Variants in BARD1 observed in about 807,000 individuals in gnomAD.
The protein encoded by BARD1 is BRCA1-associated RING domain protein 1.
A neutral mutation model predicts 77.0 loss-of-function variants in BARD1; 73 were observed. That is an observed-to-expected ratio of 0.95 (90% CI 0.79 to 1.15). The LOEUF (loss-of-function observed/expected upper bound fraction) is 1.15. Ranked by LOEUF, BARD1 falls within the 50% of genes most tolerant of loss-of-function variation. BARD1 has a pLI of 0.00. For synonymous variants in BARD1, 384 were observed against 338.0 expected (o/e 1.14, Z -1.49); for missense variants, 993 against 938.8 (o/e 1.06, Z -0.75).
intron 2 of BARD1, among the ~76,000 whole-genome samples, chr2:214,792,726 G>T (rs1221486005): frequency 2.0e-5 from 3 of 152,156 alleles, no homozygotes; most frequent in Non-Finnish European, 4.4e-5. Context: ...TTACAGAGAT[G>T]TAACAGAAAG....
At chr2:214,789,057 G>T (rs1390582596) in intron 3 of BARD1, among the ~76,000 whole-genome samples, 3 of 152,102 alleles carry the variant, frequency 2.0e-5, no homozygotes, top group Non-Finnish European at 4.4e-5. Flanking sequence ...GGAATTTAGA[G>T]ATCTGGACAG....
intron 1 of BARD1, among the ~76,000 whole-genome samples, chr2:214,799,073 A>G (rs1417161916): frequency 6.6e-6 from 1 of 152,094 alleles, no homozygotes; most frequent in Non-Finnish European, 1.5e-5. Flanking sequence ...GCCAAGATTG[A>G]GCCACTGCAC....
intron 3 of BARD1, among the ~76,000 whole-genome samples, chr2:214,792,021 CA>C (rs1695536037): frequency 6.6e-6 from 1 of 151,774 alleles, no homozygotes; most frequent in African/African-American, 2.4e-5. Flanking sequence ...CGTCATTTCT[CA>C]AAATGATCTT....
At chr2:214,754,916 T>C (rs1030450934) in intron 6 of BARD1, among the ~76,000 whole-genome samples, 2 of 152,094 alleles carry the variant, frequency 1.3e-5, no homozygotes, top group African/African-American at 4.8e-5. Flanking sequence ...TCATGAACCA[T>C]TAAAATTTGG....
At chr2:214,753,682 C>G (rs139471179) in intron 6 of BARD1, among the ~76,000 whole-genome samples, 4 of 152,194 alleles carry the variant, frequency 2.6e-5, no homozygotes, top group African/African-American at 9.6e-5. Flanking sequence ...GGGATATAAG[C>G]ATCTACTGAG....
intron 1 of BARD1, among the ~76,000 whole-genome samples, chr2:214,797,913 C>T (rs1003151441): frequency 6.6e-6 from 1 of 152,156 alleles, no homozygotes; most frequent in Non-Finnish European, 1.5e-5. Flanking sequence ...ATACCTGCTA[C>T]ATTTGTTAAT....
rs1060501313 is a variant in BARD1 at position 214,752,450 on chromosome 2, T to C, written c.1674A>G (p.Ser558=). The C allele has an allele frequency of 1.2e-6, 2 of 1,605,810 alleles. No individual in the cohort carries two copies. The highest frequency in any genetic ancestry group is 2.7e-5 in the African/African-American group (2 of 74,860). The change falls in exon 7 of 11, where the codon TCA becomes TCG. Residue 558 remains serine (S), a synonymous_variant. Transcript: ENST00000260947. The part of the protein sequence containing the change: ...KNESSSASHC[S]VMNTGQRRDG... ...CCAAAGCTAAATCCATACTTACTAC[T>C]GAGCAGTGGCTAGCTGAGGATGATT...
At chr2:214,795,703 G>A (rs1695726298) in intron 2 of BARD1, among the ~76,000 whole-genome samples, 1 of 152,168 alleles carries the variant, frequency 6.6e-6, no homozygotes, top group Non-Finnish European at 1.5e-5. Flanking sequence ...GACACATTTT[G>A]AGGCAGAACT....
rs181429149 is a variant in BARD1 at position 214,803,378 on chromosome 2, T to A, written c.158+6034A>T. 6.2e-4 allele frequency among the ~76,000 whole-genome samples: 94 copies of A among 152,314 alleles called. No individual in the cohort carries two copies. The East Asian group carries it at 0.016, about 26-fold the overall frequency. On this transcript the variant is annotated intron_variant, in intron 1 of 10. Coordinates refer to ENST00000260947, the MANE Select transcript of BARD1 (RefSeq NM_000465.4). ...GCAGTTGAGACAAGAGGAAGGCATCTGTCTCCTGCCCGTCCCTGGGCAATG... is the reference window on the plus strand; with the variant it reads ...GCAGTTGAGACAAGAGGAAGGCATCAGTCTCCTGCCCGTCCCTGGGCAATG...
rs202211672 is a variant in BARD1, at chr2:214,792,783, C to G, written c.216-338G>C. On this transcript the variant is annotated intron_variant, in intron 2 of 10. Coordinates refer to ENST00000260947, the MANE Select transcript of BARD1 (RefSeq NM_000465.4). ...AGTCGTGCATCCTAACTTTTTCTATCTTAACATTGCATGAAAATACCCAAA... is the reference window on the plus strand; with the variant it reads ...AGTCGTGCATCCTAACTTTTTCTATGTTAACATTGCATGAAAATACCCAAA... Among the ~76,000 whole-genome samples, 21 of 152,230 alleles carry G rather than the reference C, an allele frequency of 1.4e-4. No individual in the cohort carries two copies. In the East Asian group the frequency reaches 4.1e-3, roughly 29 times the overall value.
At chr2:214,768,119 C>T (rs1274648194) in intron 5 of BARD1, among the ~76,000 whole-genome samples, 3 of 152,166 alleles carry the variant, frequency 2.0e-5, no homozygotes, top group African/African-American at 7.2e-5. Flanking sequence ...TGCTGTATGG[C>T]TGCTGTTATT....
In BARD1 at chr2:214,781,498, C is replaced by A. The variant is rs1695034849; in HGVS notation, c.376G>T (p.Asp126Tyr). 1 of 1,610,288 alleles carries A rather than the reference C, an allele frequency of 6.2e-7. No homozygotes were observed. Among genetic ancestry groups the A allele is most frequent in the Middle Eastern group, 1.7e-4 (1 of 6,032 alleles). ...HDNELSDLKEDKPRKSLFNDA... is the reference protein window; with the variant it reads ...HDNELSDLKEYKPRKSLFNDA... ...TTAAACAAACTTTTCCTAGGTTTAT[C>A]TTCTTTCAAATCTGACAGAAAAAAA... Residue 126 changes from aspartate to tyrosine, a missense_variant, in exon 4 of 11, where the codon GAT becomes TAT. Asp to Tyr is a radical substitution (Grantham distance 160). Coordinates refer to ENST00000260947, the MANE Select transcript of BARD1 (RefSeq NM_000465.4).
chr2:214,755,455 A>G (rs1021204416), intron 6 of BARD1, among the ~76,000 whole-genome samples: 3 of 152,162 alleles, frequency 2.0e-5, no homozygotes, highest in African/African-American at 7.2e-5. Flanking sequence ...GACACATAAG[A>G]CTTAGAAAAA....
At chr2:214,733,281 T>G (rs1692436138) in intron 9 of BARD1, among the ~76,000 whole-genome samples, 1 of 152,194 alleles carries the variant, frequency 6.6e-6, no homozygotes. Flanking sequence ...TTTTGGAATA[T>G]TTGCACGTAC....
chr2:214,800,053 C>G (rs930678776), intron 1 of BARD1, among the ~76,000 whole-genome samples: 15 of 152,318 alleles, frequency 9.8e-5, no homozygotes, highest in African/African-American at 2.9e-4. Context: ...GGATGCAGTC[C>G]GTAGCCTTCC....
At chr2:214,774,520 T>C (rs1473555123) in intron 4 of BARD1, among the ~76,000 whole-genome samples, 4 of 152,208 alleles carry the variant, frequency 2.6e-5, no homozygotes, top group Non-Finnish European at 4.4e-5. Flanking sequence ...TTGAATATCT[T>C]TCCTGAACAG....
intron 6 of BARD1, among the ~76,000 whole-genome samples, chr2:214,764,722 C>G (rs1175387814): frequency 6.6e-6 from 1 of 152,136 alleles, no homozygotes; most frequent in African/African-American, 2.4e-5. Context: ...GACTCGTGTT[C>G]TTCTGCAGGT....
intron 7 of BARD1, among the ~76,000 whole-genome samples, chr2:214,746,995 A>C (rs1448969441): frequency 6.6e-6 from 1 of 152,152 alleles, no homozygotes; most frequent in African/African-American, 2.4e-5. Context: ...CAATGAACTC[A>C]AACAAATTTA....
At chr2:214,805,563 T>C (rs1421814728) in intron 1 of BARD1, among the ~76,000 whole-genome samples, 1 of 152,142 alleles carries the variant, frequency 6.6e-6, no homozygotes, top group Non-Finnish European at 1.5e-5. Flanking sequence ...CAGACACAGC[T>C]CAAGGCATCT....
Sources: gnomAD v4.1 joint callset for allele counts (sites outside exome capture counted in the v4.1 genomes callset) on GRCh38, gnomAD v4.1.1 for gene constraint, MANE v1.5 for transcripts, NCBI Gene and HGNC (gene_info 2026-07-23, HGNC 2026-07-21) for gene names.